The following MICALL1 variants were observed in gnomAD, a reference collection of about 807,000 sequenced individuals.
The protein encoded by MICALL1 is MICAL like 1.
MICALL1 carries 61 observed loss-of-function variants against 83.7 expected under a neutral mutation model. The ratio of observed to expected loss-of-function variants is 0.73; its 90% CI spans 0.59 to 0.90. The LOEUF is 0.90. Ranked by LOEUF, MICALL1 falls within the 40% of genes least tolerant of loss-of-function variation. MICALL1 has a pLI of 0.00. For synonymous variants in MICALL1, 481 were observed against 473.6 expected, an observed-to-expected ratio of 1.02 and a Z score of -0.20; for missense variants, 1,066 against 1,152.0, an observed-to-expected ratio of 0.93 and a Z score of 1.08.
At chr22:37,938,909 G>A (rs1245653340) in intron 15 of MICALL1, among the ~76,000 whole-genome samples, 4 of 152,084 alleles carry the variant, frequency 2.6e-5, no homozygotes, top group Admixed American at 2.6e-4. Flanking sequence ...CACTGCGCCC[G>A]GCCCTGGCTA....
Position 37,922,385 on chromosome 22 carries a change from A to G in MICALL1, c.983A>G (p.Glu328Gly). The change falls in exon 6 of 16, where the codon GAG becomes GGG. Residue 328 changes from glutamate to glycine, a missense_variant. Transcript: ENST00000215957. The part of the protein sequence containing the change: ...TPRPRSSLQQ[E>G]NLVEQAGSSS... Reference sequence around the variant, plus strand: ...CGGCCCCGCTCCAGTCTGCAGCAGGAGAACCTGGTGGAGCAGGCTGGCAGC... The same window carrying G: ...CGGCCCCGCTCCAGTCTGCAGCAGGGGAACCTGGTGGAGCAGGCTGGCAGC... The G allele has an allele frequency of 6.5e-7, 1 of 1,534,444 alleles. No homozygotes were observed. Among genetic ancestry groups the G allele is most frequent in the South Asian group, 1.2e-5 (1 of 82,740 alleles).
At chr22:37,938,948 G>A (rs1255072726) in intron 15 of MICALL1, among the ~76,000 whole-genome samples, 4 of 152,024 alleles carry the variant, frequency 2.6e-5, no homozygotes, top group Non-Finnish European at 5.9e-5. Context: ...TAGAAACGGG[G>A]TTTCATCATG....
At chr22:37,925,250 T>A (rs944521780) in intron 7 of MICALL1, among the ~76,000 whole-genome samples, 1 of 152,088 alleles carries the variant, frequency 6.6e-6, no homozygotes, top group Admixed American at 6.5e-5. Flanking sequence ...ACTGAGCAGG[T>A]GCCCCAGTGC....
intron 2 of MICALL1, 37 bp downstream of exon 2, chr22:37,912,037 G>GTGTT: frequency 6.3e-7 from 1 of 1,577,628 alleles, no homozygotes; most frequent in Non-Finnish European, 8.6e-7. Flanking sequence ...AAGAGGCTCT[G>GTGTT]TGTATGTGTG....
At position 37,932,695 on chromosome 22, in the gene MICALL1, G is replaced by A. The variant is rs1276596626; in HGVS notation, c.2143+16G>A. ...GGCCTGAATGGTGCGGGAGCGGCTG[G>A]GAGGGCCTGCTGGGTGGGGCTGGGG... On this transcript the variant is annotated intron_variant, in intron 11 of 15. Coordinates refer to ENST00000215957, the MANE Select transcript of MICALL1 (RefSeq NM_033386.4). This position sits in a 1 kb window ranked among gnomAD's most constrained non-coding sequence, Gnocchi z 4.4. 4 of 1,612,812 alleles carry A rather than the reference G, an allele frequency of 2.5e-6. No individual in the cohort carries two copies. Among genetic ancestry groups the A allele is most frequent in the Non-Finnish European group, 3.4e-6 (4 of 1,179,636 alleles).
At chr22:37,927,330 G>C in intron 8 of MICALL1, 81 bp from the exon 9 acceptor site, 1 of 1,422,790 alleles carries the variant, frequency 7.0e-7, no homozygotes, top group East Asian at 2.5e-5. Flanking sequence ...CTGCGGCTCT[G>C]TTGAGAGTGG....
Position 37,917,929 on chromosome 22 carries a change from C to T in MICALL1, c.426+134C>T, listed in dbSNP as rs1601812287. ...GTTCAGAGGGTGCTTGTTCTCTGTC[C>T]CTGCCCTATTGGCTTTGGGAACAGG... On this transcript the variant is annotated intron_variant, in intron 4 of 15. Transcript: ENST00000215957. 1.9e-5 allele frequency: 15 copies of T among 775,476 alleles called. No homozygotes were observed. In the East Asian group the frequency reaches 4.4e-4, roughly 23 times the overall value. The allele number at this position is 775,476 out of a possible 1,614,324, so 48.0% of individuals were successfully genotyped here.
chr22:37,917,909 G>C, intron 4 of MICALL1, 114 bp downstream of exon 4: 1 of 933,594 alleles, frequency 1.1e-6, no homozygotes, highest in Non-Finnish European at 1.7e-6. Context: ...ACAGTGTTCA[G>C]AGGGTGCTTG....
chr22:37,939,500 G>A (rs984968644), intron 15 of MICALL1, among the ~76,000 whole-genome samples: 1 of 152,216 alleles, frequency 6.6e-6, no homozygotes, highest in Non-Finnish European at 1.5e-5. Context: ...TGGGGGCCAG[G>A]CGCGGTGGCT....
intron 9 of MICALL1, 43 bp downstream of exon 9, chr22:37,927,869 G>C (rs1302820270): frequency 1.4e-5 from 22 of 1,546,786 alleles, no homozygotes; most frequent in Non-Finnish European, 1.9e-5. Context: ...ATCCTCTCTA[G>C]TGGATGCGGG....
At chr22:37,919,871 C>T (rs968785028) in intron 5 of MICALL1, among the ~76,000 whole-genome samples, 1 of 151,978 alleles carries the variant, frequency 6.6e-6, no homozygotes, top group African/African-American at 2.4e-5. Flanking sequence ...CACCTGTAAT[C>T]CCGGCTACTC....
At chr22:37,934,180 T>C (rs892078151) in intron 13 of MICALL1, among the ~76,000 whole-genome samples, 1 of 152,172 alleles carries the variant, frequency 6.6e-6, no homozygotes, top group African/African-American at 2.4e-5. Flanking sequence ...GTGGTGGCTG[T>C]GCGTCCCGGG....
chr22:37,934,108 G>A (rs184613654), intron 13 of MICALL1, among the ~76,000 whole-genome samples: 1 of 152,350 alleles, frequency 6.6e-6, no homozygotes, highest in East Asian at 1.9e-4. Flanking sequence ...GAGCGGGCAC[G>A]GCTCCTCTGC....
chr22:37,927,204 G>A, intron 8 of MICALL1: 1 of 560,882 alleles, frequency 1.8e-6, no homozygotes, highest in Non-Finnish European at 3.1e-6. Flanking sequence ...ACGCAAGGCG[G>A]GCGGGTTGGA....
chr22:37,906,824 A>T lies in MICALL1; in HGVS notation c.146+256A>T. The T allele has an allele frequency of 5.3e-6, 1 of 187,622 alleles. No individual in the cohort carries two copies. Among genetic ancestry groups the T allele is most frequent in the Non-Finnish European group, 1.1e-5 (1 of 92,480 alleles). The allele number at this position is 187,622 out of a possible 1,614,324, so 11.6% of individuals were successfully genotyped here. ...CCGAGGCTGGTCCCTCCGCGGGGAC[A>T]CTGGCCCCGCCCACAAAGCGCTGAT... On this transcript the variant is annotated intron_variant, in intron 1 of 15. Transcript: ENST00000215957. This position sits in a 1 kb window ranked among gnomAD's most constrained non-coding sequence, Gnocchi z 4.4.
chr22:37,934,134 G>A (rs1288054607), intron 13 of MICALL1, among the ~76,000 whole-genome samples: 1 of 152,216 alleles, frequency 6.6e-6, no homozygotes, highest in East Asian at 1.9e-4. Context: ...TGGCTAGCCC[G>A]GCCCCAGGGC....
intron 1 of MICALL1, among the ~76,000 whole-genome samples, chr22:37,910,103 C>T (rs1036805786): frequency 2.0e-5 from 3 of 152,192 alleles, no homozygotes; most frequent in African/African-American, 4.8e-5. Context: ...AGTAGAACTC[C>T]GCAGGCCTCT....
intron 9 of MICALL1, among the ~76,000 whole-genome samples, chr22:37,929,101 G>A (rs983515575): frequency 1.7e-4 from 26 of 151,962 alleles, no homozygotes; most frequent in Non-Finnish European, 1.5e-5. Flanking sequence ...GCAACAGAAT[G>A]AGACTCTGTC....
intron 3 of MICALL1, among the ~76,000 whole-genome samples, chr22:37,914,085 A>G (rs1928514796): frequency 6.6e-6 from 1 of 151,866 alleles, no homozygotes; most frequent in Non-Finnish European, 1.5e-5. Context: ...CACTTTGGCC[A>G]GGCTGGTCTC....
Sources: allele counts gnomAD v4.1 joint callset (sites outside exome capture counted in the v4.1 genomes callset), GRCh38; gene constraint gnomAD v4.1.1; non-coding constraint Gnocchi (gnomAD v3.1); transcripts MANE v1.5; gene names NCBI Gene and HGNC (gene_info 2026-07-23, HGNC 2026-07-21).